Variants in FSTL4 observed in about 807,000 individuals in gnomAD.
FSTL4 encodes the protein follistatin-related protein 4.
FSTL4 carries 28 observed loss-of-function variants against 78.2 expected under a neutral mutation model. The observed-to-expected ratio is 0.36, with a 90% CI of 0.27 to 0.49. The LOEUF is 0.49. Among genes scored for constraint, FSTL4 ranks in the 20% least tolerant of loss-of-function variants. FSTL4 has a pLI of 0.98. For synonymous variants in FSTL4, 422 were observed against 440.5 expected (o/e 0.96, Z 0.53); for missense variants, 922 against 1,084.9 (o/e 0.85, Z 2.11).
the FSTL4 span, among the ~76,000 whole-genome samples, chr5:133,767,093 G>A: frequency 1.3e-5 from 2 of 152,316 alleles, no homozygotes; most frequent in South Asian, 4.1e-4. Flanking sequence ...ATGAAGACTT[G>A]AGCAAAGGTA....
At chr5:133,767,533 A>G in the FSTL4 span, among the ~76,000 whole-genome samples, 13 of 152,304 alleles carry the variant, frequency 8.5e-5, no homozygotes, top group African/African-American at 2.9e-4. Flanking sequence ...TCTATAGGCA[A>G]TGGGAACCAA....
At chr5:133,509,400 C>T (rs1758678729) in intron 3 of FSTL4, among the ~76,000 whole-genome samples, 1 of 152,196 alleles carries the variant, frequency 6.6e-6, no homozygotes, top group Admixed American at 6.5e-5. Context: ...TTTCTAATTT[C>T]CTCTTCTGAT....
At chr5:133,672,972 A>AGAAGTACACTGGTTCGGTCTGG in the FSTL4 span, among the ~76,000 whole-genome samples, 1 of 152,228 alleles carries the variant, frequency 6.6e-6, no homozygotes, top group Non-Finnish European at 1.5e-5. Context: ...AATATATGTA[A>AGAAGTACACTGGTTCGGTCTGG]GAAGTACACT....
the FSTL4 span, among the ~76,000 whole-genome samples, chr5:133,660,569 G>T: frequency 6.6e-6 from 1 of 152,136 alleles, no homozygotes; most frequent in Non-Finnish European, 1.5e-5. Flanking sequence ...GGAGTTACGT[G>T]TCTACAGCCT....
intron 3 of FSTL4, among the ~76,000 whole-genome samples, chr5:133,519,186 T>C (rs1758923834): frequency 6.6e-6 from 1 of 152,204 alleles, no homozygotes; most frequent in Non-Finnish European, 1.5e-5. Flanking sequence ...AATCTAACAT[T>C]GCTCATGGTA....
intron 4 of FSTL4, among the ~76,000 whole-genome samples, chr5:133,369,924 C>T (rs1162011844): frequency 2.0e-5 from 3 of 152,034 alleles, no homozygotes; most frequent in African/African-American, 7.3e-5. Context: ...AGAGCACCTC[C>T]CTCCCTCCCT....
chr5:133,795,749 T>C, the FSTL4 span, among the ~76,000 whole-genome samples: 9 of 152,334 alleles, frequency 5.9e-5, no homozygotes, highest in South Asian at 2.1e-4. Context: ...AAGACACAAG[T>C]GCTCACAGGA....
chr5:133,330,510 G>C (rs570161279), intron 4 of FSTL4, among the ~76,000 whole-genome samples: 5 of 152,274 alleles, frequency 3.3e-5, no homozygotes, highest in African/African-American at 9.6e-5. Flanking sequence ...CAGCCGTGAG[G>C]GGATGGTGCC....
the FSTL4 span, among the ~76,000 whole-genome samples, chr5:133,752,566 C>T: frequency 1.9e-4 from 29 of 152,082 alleles, no homozygotes; most frequent in South Asian, 4.2e-4. Context: ...TCTAAGATTG[C>T]GCCACTGTAC....
At chr5:133,615,411 T>A (rs1470190973), upstream of FSTL4, among the ~76,000 whole-genome samples, 2 of 152,194 alleles carry the variant, frequency 1.3e-5, no homozygotes, top group African/African-American at 4.8e-5. Flanking sequence ...AAGGATGGGG[T>A]CTCTCTCCCG....
intron 3 of FSTL4, among the ~76,000 whole-genome samples, chr5:133,508,593 C>T (rs116796545): frequency 6.6e-6 from 1 of 152,242 alleles, no homozygotes; most frequent in African/African-American, 2.4e-5. Flanking sequence ...TCAACTGAAA[C>T]ATCATTATGC....
Position 133,511,650 on chromosome 5 carries a change from T to C in FSTL4, c.160+55536A>G, listed in dbSNP as rs536213118. Among the ~76,000 whole-genome samples, 5 of 152,218 alleles carry C rather than the reference T, an allele frequency of 3.3e-5. No individual in the cohort carries two copies. The South Asian group carries it at 1.0e-3, about 32-fold the overall frequency. On this transcript the variant is annotated intron_variant, in intron 3 of 15. Coordinates refer to ENST00000265342, the MANE Select transcript of FSTL4 (RefSeq NM_015082.2). The stretch of plus-strand genomic sequence containing the variant: ...AATTTACACTGAAAAAATGATTAAT[T>C]TTTCAAGTGATTAATCAGTTTGCCC...
At chr5:133,360,918 G>A (rs778223840) in intron 4 of FSTL4, among the ~76,000 whole-genome samples, 1 of 152,176 alleles carries the variant, frequency 6.6e-6, no homozygotes, top group Non-Finnish European at 1.5e-5. Flanking sequence ...CTTACCGTGT[G>A]TTGCATTTAC....
At chr5:133,583,207 C>G (rs1368752830) in intron 2 of FSTL4, 1 of 454,486 alleles carries the variant, frequency 2.2e-6, no homozygotes, top group Non-Finnish European at 4.4e-6. Context: ...AAGCCCTTCA[C>G]AGTAACCACA....
At chr5:133,348,960 A>G (rs1350152935) in intron 4 of FSTL4, among the ~76,000 whole-genome samples, 3 of 152,192 alleles carry the variant, frequency 2.0e-5, no homozygotes, top group Admixed American at 6.5e-5. Flanking sequence ...ATGGAGGCCA[A>G]TTAAAACAGC....
chr5:133,248,996 A>C (rs1752128691), intron 7 of FSTL4, among the ~76,000 whole-genome samples: 1 of 152,156 alleles, frequency 6.6e-6, no homozygotes, highest in Non-Finnish European at 1.5e-5. Flanking sequence ...ACTAGGGCCC[A>C]GAACCTCCTC....
chr5:133,307,518 A>G (rs944024405), intron 6 of FSTL4, among the ~76,000 whole-genome samples: 2 of 152,198 alleles, frequency 1.3e-5, no homozygotes, highest in Non-Finnish European at 2.9e-5. Context: ...GACATAGTGT[A>G]CAGTGCTGAC....
intron 4 of FSTL4, among the ~76,000 whole-genome samples, chr5:133,337,142 C>T (rs1353214052): frequency 1.3e-5 from 2 of 152,222 alleles, no homozygotes; most frequent in Non-Finnish European, 2.9e-5. Context: ...AGGCCCAGAG[C>T]CCCCAACCTG....
intron 3 of FSTL4, 77 bp from the exon 4 acceptor site, chr5:133,401,063 A>G: frequency 6.6e-7 from 1 of 1,519,798 alleles, no homozygotes; most frequent in Non-Finnish European, 9.0e-7. Flanking sequence ...TTTGTAGCTC[A>G]CAAGCACAGA....
Sources: allele counts gnomAD v4.1 joint callset (sites outside exome capture counted in the v4.1 genomes callset), GRCh38; gene constraint gnomAD v4.1.1; transcripts MANE v1.5; gene names NCBI Gene and HGNC (gene_info 2026-07-23, HGNC 2026-07-21).